SPIB: variants seen among roughly 807,000 people sequenced by gnomAD.
The protein encoded by SPIB is transcription factor Spi-B.
SPIB carries 7 observed loss-of-function variants against 31.9 expected under a neutral mutation model. The ratio of observed to expected loss-of-function variants is 0.22; its 90% CI spans 0.12 to 0.41. The LOEUF (loss-of-function observed/expected upper bound fraction) is 0.41. Ranked by LOEUF, SPIB falls within the 10% of genes least tolerant of loss-of-function variation. The pLI, the probability that SPIB is intolerant of heterozygous loss-of-function variation, is 1.00. For synonymous variants in SPIB, 176 were observed against 158.9 expected, an observed-to-expected ratio of 1.11 and a Z score of -0.81; for missense variants, 327 against 360.2, an observed-to-expected ratio of 0.91 and a Z score of 0.75.
At chr19:50,422,411 G>A (rs1263631906) in intron 2 of SPIB, 62 bp from the exon 3 acceptor site, 5 of 1,499,294 alleles carry the variant, frequency 3.3e-6, no homozygotes, top group Non-Finnish European at 4.6e-6. Context: ...AGGGTCCAGG[G>A]TGGGGGTTGG....
intron 2 of SPIB, among the ~76,000 whole-genome samples, chr19:50,421,570 C>T (rs764341399): frequency 2.6e-5 from 4 of 151,662 alleles, no homozygotes; most frequent in Non-Finnish European, 5.9e-5. Flanking sequence ...ATCTGCCTGC[C>T]TTGGCCTTCC....
chr19:50,429,150 C>G lies in SPIB; in HGVS notation c.*814C>G, dbSNP rs2039607523. The G allele has an allele frequency of 6.6e-6, 1 of 152,114 alleles. No homozygotes were observed. The highest frequency in any genetic ancestry group is 1.5e-5 in the Non-Finnish European group (1 of 68,036). The allele number at this position is 152,114 out of a possible 1,614,324, so 9.4% of individuals were successfully genotyped here. On this transcript the variant is annotated 3_prime_UTR_variant, in exon 6 of 6. Coordinates refer to ENST00000595883, the MANE Select transcript of SPIB (RefSeq NM_003121.5). ...CCTCCTAGGCTCTCCATCTGATATG[C>G]CCTTTCAGGGACCCCACAAAGACTG...
In SPIB at chr19:50,428,866, CG is replaced by C. The variant is rs1350512467; in HGVS notation, c.*531del. ...GAGCTGTTATCATCTCAGATCTCTT[CG>C]CCCATCTATGGCTGTGTTGTCACAT... On this transcript the variant is annotated 3_prime_UTR_variant, in exon 6 of 6. Coordinates refer to ENST00000595883, the MANE Select transcript of SPIB (RefSeq NM_003121.5). The surrounding 1 kb of genome is among the most constrained non-coding windows in gnomAD (Gnocchi z 6.5). 1 of 154,616 alleles carries C rather than the reference CG, an allele frequency of 6.5e-6. No individual in the cohort carries two copies. The highest frequency in any genetic ancestry group is 1.4e-5 in the Non-Finnish European group (1 of 69,894). 9.6% of individuals were successfully genotyped at this position (154,616 alleles called of 1,614,324 possible).
intron 2 of SPIB, among the ~76,000 whole-genome samples, chr19:50,421,722 C>G (rs2039497815): frequency 1.3e-5 from 2 of 152,352 alleles, no homozygotes; most frequent in East Asian, 1.9e-4. Context: ...TCAAGCGATT[C>G]TCCTGCCTCG....
chr19:50,419,758 C>A, intron 1 of SPIB, 188 bp from the exon 2 acceptor site: 1 of 498,536 alleles, frequency 2.0e-6, no homozygotes. Context: ...CATTTGCCTC[C>A]CCCCCACCCC....
rs953860681 is a variant in SPIB at position 50,429,715 on chromosome 19, A to C, written c.*1379A>C. Reference sequence around the variant, plus strand: ...AGAGTGAGACACCGTCTTAAAAACAAAAACAAGGCCGGGCACGGTGGCTCA... The same window carrying C: ...AGAGTGAGACACCGTCTTAAAAACACAAACAAGGCCGGGCACGGTGGCTCA... On this transcript the variant is annotated 3_prime_UTR_variant, in exon 6 of 6. Transcript: ENST00000595883. 6.6e-6 allele frequency: 1 copy of C among 151,440 alleles called. No homozygotes were observed. Among genetic ancestry groups the C allele is most frequent in the Non-Finnish European group, 1.5e-5 (1 of 67,968 alleles). 9.4% of individuals were successfully genotyped at this position (151,440 alleles called of 1,614,324 possible).
chr19:50,422,404 G>A (rs1302206677), intron 2 of SPIB, 69 bp from the exon 3 acceptor site: 14 of 1,438,244 alleles, frequency 9.7e-6, no homozygotes, highest in Non-Finnish European at 1.3e-5. Flanking sequence ...CTCCCCAAGG[G>A]TCCAGGGTGG....
Position 50,422,881 on chromosome 19 carries a change from C to G in SPIB, c.183C>G (p.Phe61Leu), listed in dbSNP as rs1284785152. Residue 61 changes from phenylalanine to leucine, a missense_variant, in exon 4 of 6, where the codon TTC becomes TTG. Transcript: ENST00000595883. ...PPVPATPYEA[F>L]DPAAAAFSHP... ...TCCCAGCCACCCCCTATGAAGCCTTCGACCCGGCAGCAGCCGCTTTTAGCC... is the reference window on the plus strand; with the variant it reads ...TCCCAGCCACCCCCTATGAAGCCTTGGACCCGGCAGCAGCCGCTTTTAGCC... The G allele has an allele frequency of 6.2e-7, 1 of 1,610,936 alleles. No homozygotes were observed. Among genetic ancestry groups the G allele is most frequent in the East Asian group, 2.2e-5 (1 of 44,852 alleles).
At chr19:50,423,840 A>G in intron 5 of SPIB, 85 bp downstream of exon 5, 3 of 1,472,838 alleles carry the variant, frequency 2.0e-6, no homozygotes, top group African/African-American at 1.4e-5. Context: ...GGGCCTCTAC[A>G]TATACTCCAG....
chr19:50,421,362 C>T (rs4802705), intron 2 of SPIB, among the ~76,000 whole-genome samples: 79,607 of 151,880 alleles, frequency 0.52, 23,231 homozygotes, highest in Non-Finnish European at 0.65. Context: ...TTTGCTCTGT[C>T]GCCGGGCTGG....
At chr19:50,422,147 G>A (rs998308474) in intron 2 of SPIB, among the ~76,000 whole-genome samples, 15 of 152,186 alleles carry the variant, frequency 9.9e-5, no homozygotes, top group Non-Finnish European at 1.3e-4. Flanking sequence ...GGCAGGCAAG[G>A]CTGGGGGAGT....
rs1000557219 is a variant in SPIB, at chr19:50,428,066, G to A, written c.519G>A (p.Gln173=). The A allele has an allele frequency of 6.4e-7, 1 of 1,565,470 alleles. No homozygotes were observed. Among genetic ancestry groups the A allele is most frequent in the African/African-American group, 1.3e-5 (1 of 74,228 alleles). The change falls in exon 6 of 6, where the codon CAG becomes CAA. Residue 173 remains glutamine (Q), a synonymous_variant. Coordinates refer to ENST00000595883, the MANE Select transcript of SPIB (RefSeq NM_003121.5). This position sits in a 1 kb window ranked among gnomAD's most constrained non-coding sequence, Gnocchi z 6.5. The part of the protein sequence containing the change: ...AGTRKKLRLY[Q]FLLGLLTRGD... ...CTCGCAAGAAGCTGCGCCTGTACCA[G>A]TTCCTGCTGGGGCTACTGACGCGCG...
At chr19:50,425,303 C>T (rs930770117) in intron 5 of SPIB, among the ~76,000 whole-genome samples, 6 of 152,180 alleles carry the variant, frequency 3.9e-5, no homozygotes, top group African/African-American at 1.4e-4. Flanking sequence ...CTGTGCCCAG[C>T]CACACAGCCT....
rs997550955 is a variant in SPIB, at chr19:50,428,548, T to G, written c.*212T>G. ...CACTTGTGCCTGGGGTCCTCTGGGA[T>G]TTCTTTGTCATGTACAGACTCCCTG... On this transcript the variant is annotated 3_prime_UTR_variant, in exon 6 of 6. Transcript: ENST00000595883. This position sits in a 1 kb window ranked among gnomAD's most constrained non-coding sequence, Gnocchi z 6.5. 3.5e-5 allele frequency: 20 copies of G among 578,492 alleles called. No individual in the cohort carries two copies. The African/African-American group carries it at 3.8e-4, about 11-fold the overall frequency. The allele number at this position is 578,492 out of a possible 1,614,324, so 35.8% of individuals were successfully genotyped here. A position where few individuals can be genotyped will look rare whatever the true frequency, so the allele number is the denominator to read the frequency against.
chr19:50,423,441 A>G (rs1321421452), intron 4 of SPIB, among the ~76,000 whole-genome samples, 164 bp from the exon 5 acceptor site: 2 of 152,166 alleles, frequency 1.3e-5, no homozygotes, highest in African/African-American at 2.4e-5. Flanking sequence ...GAGGTACCTC[A>G]GGTGTCCCCT....
rs1463297765 is a variant in SPIB, at chr19:50,428,681, T to C, written c.*345T>C. ...GCTTCTCTGGGATTTTCTTGTGATA[T>C]CTGATTCCCCAGTGAGGCCTGGGAC... On this transcript the variant is annotated 3_prime_UTR_variant, in exon 6 of 6. Coordinates refer to ENST00000595883, the MANE Select transcript of SPIB (RefSeq NM_003121.5). This position sits in a 1 kb window ranked among gnomAD's most constrained non-coding sequence, Gnocchi z 6.5. 3.3e-6 allele frequency: 1 copy of C among 304,872 alleles called. No individual in the cohort carries two copies. The highest frequency in any genetic ancestry group is 6.0e-6 in the Non-Finnish European group (1 of 166,256). The allele number at this position is 304,872 out of a possible 1,614,324, so 18.9% of individuals were successfully genotyped here. A position where few individuals can be genotyped will look rare whatever the true frequency, so the allele number is the denominator to read the frequency against.
chr19:50,422,918 G>T lies in SPIB; in HGVS notation c.220G>T (p.Ala74Ser). The stretch of plus-strand genomic sequence containing the variant: ...AGCCGCTTTTAGCCACCCCCAGGCT[G>T]CCCAGCTCTGCTACGAACCCCCCAC... ...AAAAFSHPQA[A>S]QLCYEPPTYS... Residue 74 changes from alanine to serine, a missense_variant, in exon 4 of 6, where the codon GCC becomes TCC. Physicochemically the swap from Ala to Ser is moderately conservative, Grantham distance 99. This residue lies in a region of SPIB where 238 missense variants were observed against 228.8 expected (regional missense o/e 1.04). Transcript: ENST00000595883. 4 of 1,604,798 alleles carry T rather than the reference G, an allele frequency of 2.5e-6. No individual in the cohort carries two copies. Among genetic ancestry groups the T allele is most frequent in the Middle Eastern group, 1.7e-4 (1 of 6,034 alleles).
rs2039615311 is a variant in SPIB at position 50,429,641 on chromosome 19, G to A, written c.*1305G>A. 1 of 152,288 alleles carries A rather than the reference G, an allele frequency of 6.6e-6. No homozygotes were observed. Among genetic ancestry groups the A allele is most frequent in the African/African-American group, 2.4e-5 (1 of 41,442 alleles). 9.4% of individuals were successfully genotyped at this position (152,288 alleles called of 1,614,324 possible). A position where few individuals can be genotyped will look rare whatever the true frequency, so the allele number is the denominator to read the frequency against. On this transcript the variant is annotated 3_prime_UTR_variant, in exon 6 of 6. Transcript: ENST00000595883. ...AGGATCTCTTGAGCCCAGGAAGTAG[G>A]AGGCTGTAGTGAGCTGTAATCGTGC...
chr19:50,427,921 C>T, intron 5 of SPIB, 117 bp from the exon 6 acceptor site: 1 of 1,219,028 alleles, frequency 8.2e-7, no homozygotes. Context: ...ACTTCCCTCA[C>T]CCCACTTTTC....
Sources: gnomAD v4.1 joint callset for allele counts (sites outside exome capture counted in the v4.1 genomes callset) on GRCh38, gnomAD v4.1.1 for gene constraint, gnomAD v4.1.1 regional missense constraint, Gnocchi (gnomAD v3.1) non-coding constraint, MANE v1.5 for transcripts, NCBI Gene and HGNC (gene_info 2026-07-23, HGNC 2026-07-21) for gene names.